The following CBFB variants were observed in gnomAD, a reference collection of about 807,000 sequenced individuals.
CBFB encodes the protein core-binding factor subunit beta.
Under a neutral mutation model 30.4 loss-of-function variants are expected in CBFB, and 9 were observed. That is an observed-to-expected ratio of 0.30 (90% CI 0.18 to 0.52). The LOEUF is 0.52. Among genes scored for constraint, CBFB ranks in the 20% least tolerant of loss-of-function variants. The pLI, the probability that CBFB is intolerant of heterozygous loss-of-function variation, is 0.97. For synonymous variants in CBFB, 94 were observed against 84.0 expected (o/e 1.12, Z -0.65); for missense variants, 170 against 244.0 (o/e 0.70, Z 2.02).
At chr16:67,096,363 C>T (rs934742496) in intron 5 of CBFB, among the ~76,000 whole-genome samples, 6 of 151,642 alleles carry the variant, frequency 4.0e-5, no homozygotes, top group Non-Finnish European at 7.4e-5. Context: ...CTTAGTACCA[C>T]ATTCTGGATA....
chr16:67,069,082 C>T lies in CBFB; in HGVS notation c.399+2284C>T, dbSNP rs561539334. On this transcript the variant is annotated intron_variant, in intron 4 of 5. Transcript: ENST00000412916. ...ATACAAAATCAGCCAGGCATGGTGG[C>T]GCATGCCTGTAATCCCACCTACTCA... Among the ~76,000 whole-genome samples, 6 of 152,194 alleles carry T rather than the reference C, an allele frequency of 3.9e-5. No homozygotes were observed. The East Asian group carries it at 9.7e-4, about 25-fold the overall frequency.
intron 5 of CBFB, among the ~76,000 whole-genome samples, chr16:67,085,882 G>A (rs1215076630): frequency 6.6e-6 from 1 of 151,802 alleles, no homozygotes; most frequent in Non-Finnish European, 1.5e-5. Context: ...GTTTCACCGT[G>A]TTAGCCAGGA....
At chr16:67,065,226 G>C (rs969480644) in intron 3 of CBFB, among the ~76,000 whole-genome samples, 2 of 152,180 alleles carry the variant, frequency 1.3e-5, no homozygotes, top group African/African-American at 4.8e-5. Context: ...TCATGAAGCT[G>C]AAGGTTCACC....
chr16:67,072,774 CT>C (rs764406221), intron 4 of CBFB, among the ~76,000 whole-genome samples: 5,099 of 140,732 alleles, frequency 0.036, 224 homozygotes, highest in African/African-American at 0.11. Context: ...CCTCTTTTTT[CT>C]TTTTTTTTTT....
intron 3 of CBFB, among the ~76,000 whole-genome samples, chr16:67,060,578 G>A (rs1007914098): frequency 2.6e-5 from 4 of 151,796 alleles, no homozygotes; most frequent in East Asian, 3.9e-4. Flanking sequence ...TTTTTGAGAC[G>A]GAGATTCAGT....
chr16:67,080,229 G>A (rs867246818), intron 4 of CBFB, among the ~76,000 whole-genome samples: 2 of 148,332 alleles, frequency 1.3e-5, no homozygotes, highest in African/African-American at 4.9e-5. Flanking sequence ...GGCATACTCC[G>A]ATGGCTGTGT....
At chr16:67,095,046 T>A (rs935055774) in intron 5 of CBFB, among the ~76,000 whole-genome samples, 2 of 151,050 alleles carry the variant, frequency 1.3e-5, no homozygotes, top group Non-Finnish European at 3.0e-5. Flanking sequence ...GGTGAAACCC[T>A]GTCTCTACTA....
intron 3 of CBFB, among the ~76,000 whole-genome samples, chr16:67,041,810 T>G (rs975090258): frequency 6.1e-5 from 9 of 148,104 alleles, no homozygotes; most frequent in Non-Finnish European, 1.3e-4. Flanking sequence ...GGTCTCACTC[T>G]GTCACCCAGG....
chr16:67,046,456 AG>A (rs2145725258), intron 3 of CBFB, among the ~76,000 whole-genome samples: 1 of 152,220 alleles, frequency 6.6e-6, no homozygotes, highest in East Asian at 1.9e-4. Context: ...TGTTGTCTGA[AG>A]ATGTTAATTT....
chr16:67,088,412 CTG>C, intron 5 of CBFB, among the ~76,000 whole-genome samples: 1 of 152,266 alleles, frequency 6.6e-6, no homozygotes, highest in Non-Finnish European at 1.5e-5. Flanking sequence ...GTTGATAAAA[CTG>C]AGAGTCTCCA....
chr16:67,086,564 A>C (rs1961736996), intron 5 of CBFB, among the ~76,000 whole-genome samples: 3 of 152,208 alleles, frequency 2.0e-5, no homozygotes, highest in Non-Finnish European at 4.4e-5. Flanking sequence ...GGATATCTTC[A>C]AAAAACAGCC....
intron 3 of CBFB, among the ~76,000 whole-genome samples, chr16:67,066,373 C>A (rs796288750): frequency 2.8e-5 from 3 of 109,002 alleles, no homozygotes; most frequent in African/African-American, 1.5e-4. Flanking sequence ...CATGGTGAAA[C>A]CCCATCTCTA....
chr16:67,035,533 A>T (rs567017949), intron 2 of CBFB, among the ~76,000 whole-genome samples: 1 of 152,368 alleles, frequency 6.6e-6, no homozygotes, highest in Non-Finnish European at 1.5e-5. Flanking sequence ...TGACAAGTGT[A>T]CCGACAGTGC....
At chr16:67,072,483 T>C (rs1360100291) in intron 4 of CBFB, among the ~76,000 whole-genome samples, 1 of 151,966 alleles carries the variant, frequency 6.6e-6, no homozygotes, top group African/African-American at 2.4e-5. Context: ...CTTTTTTTTT[T>C]CCAGACAGAG....
chr16:67,077,180 T>G (rs1961424319), intron 4 of CBFB, among the ~76,000 whole-genome samples: 1 of 152,242 alleles, frequency 6.6e-6, no homozygotes, highest in Non-Finnish European at 1.5e-5. Context: ...TGTTGTACTT[T>G]TTAAATGACT....
chr16:67,054,497 C>T (rs904636572), intron 3 of CBFB, among the ~76,000 whole-genome samples: 1 of 152,136 alleles, frequency 6.6e-6, no homozygotes, highest in Non-Finnish European at 1.5e-5. Context: ...TACTTGCCAG[C>T]CCTTTACAGT....
chr16:67,066,842 C>G (rs768200619), intron 4 of CBFB, 44 bp downstream of exon 4: 13 of 1,113,128 alleles, frequency 1.2e-5, no homozygotes, highest in Non-Finnish European at 1.6e-5. Context: ...CCTTTAGTCC[C>G]TAATCTTGCC....
intron 5 of CBFB, among the ~76,000 whole-genome samples, chr16:67,092,558 A>G (rs1384820126): frequency 2.6e-5 from 4 of 152,088 alleles, no homozygotes; most frequent in South Asian, 2.1e-4. Context: ...CAGATCTCTC[A>G]AGTACTTTGC....
At chr16:67,039,714 G>C (rs1966500122) in intron 3 of CBFB, among the ~76,000 whole-genome samples, 1 of 152,140 alleles carries the variant, frequency 6.6e-6, no homozygotes, top group South Asian at 2.1e-4. Context: ...ACTGGTTTTA[G>C]AAGTTTTTTT....
Sources: allele counts gnomAD v4.1 joint callset (sites outside exome capture counted in the v4.1 genomes callset), GRCh38; gene constraint gnomAD v4.1.1; transcripts MANE v1.5; gene names NCBI Gene and HGNC (gene_info 2026-07-23, HGNC 2026-07-21).